RAB22A: variants seen among roughly 807,000 people sequenced by gnomAD.
The protein encoded by RAB22A is RAB22A, member RAS oncogene family.
In RAB22A, 13 loss-of-function variants were observed where a neutral mutation model predicts 30.2. The observed-to-expected ratio is 0.43, with a 90% CI of 0.28 to 0.68. The LOEUF (loss-of-function observed/expected upper bound fraction) is 0.68, where lower values mean the gene tolerates loss of function less well. Among genes scored for constraint, RAB22A ranks in the 30% least tolerant of loss-of-function variants. The pLI is 0.18. For synonymous variants in RAB22A, 89 were observed against 87.2 expected (o/e 1.02, Z -0.11); for missense variants, 177 against 246.8 (o/e 0.72, Z 1.89).
At chr20:58,328,054 C>T (rs1233412833) in intron 2 of RAB22A, among the ~76,000 whole-genome samples, 11 of 152,180 alleles carry the variant, frequency 7.2e-5, no homozygotes, top group Non-Finnish European at 1.5e-4. Flanking sequence ...GATTATCTTA[C>T]TCTGCTTTAC....
intron 2 of RAB22A, among the ~76,000 whole-genome samples, chr20:58,337,317 C>T (rs1054252089): frequency 1.3e-5 from 2 of 152,132 alleles, no homozygotes; most frequent in East Asian, 3.9e-4. Flanking sequence ...CCGTCATTCT[C>T]TTCTCCATTT....
intron 2 of RAB22A, among the ~76,000 whole-genome samples, chr20:58,323,069 A>G (rs762850703): frequency 1.3e-5 from 2 of 152,188 alleles, no homozygotes; most frequent in Non-Finnish European, 2.9e-5. Context: ...GAGAAATGGT[A>G]TCTTTATAAT....
rs1334725328 is a variant in RAB22A, at chr20:58,363,057, G to T, written c.*3354G>T. ...TAGGAAGCCTTCTAAATTAAACTCTGGGAAATATAGTAATGAAAATATCCT... is the reference window on the plus strand; with the variant it reads ...TAGGAAGCCTTCTAAATTAAACTCTTGGAAATATAGTAATGAAAATATCCT... On this transcript the variant is annotated 3_prime_UTR_variant, in exon 7 of 7. Coordinates refer to ENST00000244040, the MANE Select transcript of RAB22A (RefSeq NM_020673.3). 6.6e-6 allele frequency: 1 copy of T among 152,188 alleles called. No homozygotes were observed. The highest frequency in any genetic ancestry group is 2.4e-5 in the African/African-American group (1 of 41,436). 9.4% of individuals were successfully genotyped at this position (152,188 alleles called of 1,614,324 possible). A position where few individuals can be genotyped will look rare whatever the true frequency, so the allele number is the denominator to read the frequency against.
At chr20:58,310,906 C>T in intron 1 of RAB22A, 137 bp from the exon 2 acceptor site, 1 of 709,924 alleles carries the variant, frequency 1.4e-6, no homozygotes, top group Non-Finnish European at 2.5e-6. Flanking sequence ...ATGACAACCG[C>T]TTTTGTGTTC....
At chr20:58,330,186 G>C (rs1175531847) in intron 2 of RAB22A, among the ~76,000 whole-genome samples, 1 of 152,110 alleles carries the variant, frequency 6.6e-6, no homozygotes, top group African/African-American at 2.4e-5. Context: ...TTCGTGGGGG[G>C]TCCTGAAACC....
At position 58,325,232 on chromosome 20, in the gene RAB22A, A is replaced by G. The variant is rs926664256; in HGVS notation, c.116+14110A>G. On this transcript the variant is annotated intron_variant, in intron 2 of 6. Transcript: ENST00000244040. ...AGTGGCTCACACCTGTAATCCCAGCACTTTGGAAGGCCCAGGTGGGCGGAT... is the reference window on the plus strand; with the variant it reads ...AGTGGCTCACACCTGTAATCCCAGCGCTTTGGAAGGCCCAGGTGGGCGGAT... Among the ~76,000 whole-genome samples, 13 of 151,448 alleles carry G rather than the reference A, an allele frequency of 8.6e-5. No homozygotes were observed. In the South Asian group the frequency reaches 1.0e-3, roughly 12 times the overall value.
chr20:58,359,181 C>T (rs1987182474), intron 6 of RAB22A, among the ~76,000 whole-genome samples: 1 of 152,088 alleles, frequency 6.6e-6, no homozygotes, highest in Non-Finnish European at 1.5e-5. Flanking sequence ...AAAAACAAAT[C>T]CTATGTATTA....
chr20:58,310,162 TC>T (rs1600719763), intron 1 of RAB22A, 150 bp downstream of exon 1: 1 of 782,504 alleles, frequency 1.3e-6, no homozygotes, highest in East Asian at 3.4e-5. Flanking sequence ...TCGGGAGCCG[TC>T]CCGCCCACCT....
rs144747274 is a variant in RAB22A at position 58,331,511 on chromosome 20, A to G, written c.117-12207A>G. 1.1e-3 allele frequency among the ~76,000 whole-genome samples: 173 copies of G among 152,224 alleles called. 2 individuals carry two copies. The highest frequency in any genetic ancestry group is 3.4e-3 in the Middle Eastern group (1 of 294). On this transcript the variant is annotated intron_variant, in intron 2 of 6. Transcript: ENST00000244040. ...ATATACATTTATTGTCTATTTAACCAATCTCTTATTGACCGTTCTCTTATC... is the reference window on the plus strand; with the variant it reads ...ATATACATTTATTGTCTATTTAACCGATCTCTTATTGACCGTTCTCTTATC...
rs1305744651 is a variant in RAB22A, at chr20:58,365,507, T to C, written c.*5804T>C. 1.3e-5 allele frequency: 2 copies of C among 152,250 alleles called. No individual in the cohort carries two copies. The highest frequency in any genetic ancestry group is 6.5e-5 in the Admixed American group (1 of 15,288). 9.4% of individuals were successfully genotyped at this position (152,250 alleles called of 1,614,324 possible). On this transcript the variant is annotated 3_prime_UTR_variant, in exon 7 of 7. Coordinates refer to ENST00000244040, the MANE Select transcript of RAB22A (RefSeq NM_020673.3). ...AATTTTGAAGCCAGCACTGACTTTG[T>C]TTATATTCACTTACCTTGTATATGA...
In RAB22A at chr20:58,354,781, T is replaced by C. The variant is rs548050182; in HGVS notation, c.487+516T>C. Reference sequence around the variant, plus strand: ...CCTCTGCAGATCGTATCTATGTTTATTCATTTCATTCAAATTCATCAAAAT... The same window carrying C: ...CCTCTGCAGATCGTATCTATGTTTACTCATTTCATTCAAATTCATCAAAAT... On this transcript the variant is annotated intron_variant, in intron 6 of 6. Transcript: ENST00000244040. Among the ~76,000 whole-genome samples, 186 of 152,328 alleles carry C rather than the reference T, an allele frequency of 1.2e-3. 1 individual carries two copies. The highest frequency in any genetic ancestry group is 2.3e-3 in the Non-Finnish European group (158 of 68,034).
intron 3 of RAB22A, among the ~76,000 whole-genome samples, chr20:58,349,663 A>C (rs1166889499): frequency 6.6e-6 from 1 of 152,196 alleles, no homozygotes; most frequent in African/African-American, 2.4e-5. Flanking sequence ...TTCCGATGAA[A>C]CTTCAGAAGA....
intron 2 of RAB22A, among the ~76,000 whole-genome samples, chr20:58,330,241 C>T (rs1986639900): frequency 2.0e-5 from 3 of 152,268 alleles, no homozygotes; most frequent in African/African-American, 7.2e-5. Flanking sequence ...TTCAGTGTGT[C>T]TAATATTTTT....
chr20:58,313,977 GGACTTCTGTCCTCGTA>G (rs1377843848), intron 2 of RAB22A, among the ~76,000 whole-genome samples: 1 of 152,090 alleles, frequency 6.6e-6, no homozygotes, highest in Non-Finnish European at 1.5e-5. Flanking sequence ...TAGACAAAAT[GGACTTCTGTCCTCGTA>G]GACCTTACCT....
At chr20:58,332,301 G>A (rs920561422) in intron 2 of RAB22A, among the ~76,000 whole-genome samples, 1 of 152,188 alleles carries the variant, frequency 6.6e-6, no homozygotes, top group African/African-American at 2.4e-5. Flanking sequence ...GAGGGACAGG[G>A]AAACTTTGCC....
chr20:58,341,547 G>C (rs1378869861), intron 2 of RAB22A, among the ~76,000 whole-genome samples: 1 of 152,058 alleles, frequency 6.6e-6, no homozygotes, highest in Admixed American at 6.6e-5. Flanking sequence ...GGGAGCTTGA[G>C]GTACAAGAAA....
intron 2 of RAB22A, among the ~76,000 whole-genome samples, chr20:58,324,305 GTTT>G (rs11356470): frequency 6.7e-6 from 1 of 148,222 alleles, no homozygotes; most frequent in Non-Finnish European, 1.5e-5. Context: ...ATACATTGGG[GTTT>G]TTTTTTTTAA....
rs1161635807 is a variant in RAB22A, at chr20:58,362,317, T to C, written c.*2614T>C. The C allele has an allele frequency of 6.6e-6, 1 of 152,250 alleles. No individual in the cohort carries two copies. 9.4% of individuals were successfully genotyped at this position (152,250 alleles called of 1,614,324 possible). A position where few individuals can be genotyped will look rare whatever the true frequency, so the allele number is the denominator to read the frequency against. Reference sequence around the variant, plus strand: ...GAAGCAGTGTTTCATTTTGAACACATTTTGGATTATTAAGCTGACTAAGCA... The same window carrying C: ...GAAGCAGTGTTTCATTTTGAACACACTTTGGATTATTAAGCTGACTAAGCA... On this transcript the variant is annotated 3_prime_UTR_variant, in exon 7 of 7. Coordinates refer to ENST00000244040, the MANE Select transcript of RAB22A (RefSeq NM_020673.3).
chr20:58,351,763 A>G (rs915652833), intron 3 of RAB22A, among the ~76,000 whole-genome samples: 1 of 152,236 alleles, frequency 6.6e-6, no homozygotes, highest in Non-Finnish European at 1.5e-5. Context: ...CGGTGAGCCG[A>G]GATCACGCCA....
Sources: gnomAD v4.1 joint callset for allele counts (sites outside exome capture counted in the v4.1 genomes callset) on GRCh38, gnomAD v4.1.1 for gene constraint, MANE v1.5 for transcripts, NCBI Gene and HGNC (gene_info 2026-07-23, HGNC 2026-07-21) for gene names.